UGT1A4: variants seen among roughly 807,000 people sequenced by gnomAD.
The protein encoded by UGT1A4 is UDP-glucuronosyltransferase 1A4.
In UGT1A4, 32 loss-of-function variants were observed where a neutral mutation model predicts 41.1. The observed-to-expected ratio is 0.78, with a 90% confidence interval of 0.59 to 1.05. The LOEUF is 1.05. Ranked by LOEUF, UGT1A4 falls within the 50% of genes least tolerant of loss-of-function variation. The pLI, the probability that UGT1A4 is intolerant of heterozygous loss-of-function variation, is 0.00. For synonymous variants in UGT1A4, 283 were observed against 265.1 expected (o/e 1.07, Z -0.66); for missense variants, 748 against 677.4 (o/e 1.10, Z -1.16).
At chr2:233,757,679 A>C (rs1462473576) in intron 1 of UGT1A4, among the ~76,000 whole-genome samples, 1 of 151,534 alleles carries the variant, frequency 6.6e-6, no homozygotes, top group African/African-American at 2.4e-5. Context: ...CAAGGAATTC[A>C]AGGGATTCAA....
intron 1 of UGT1A4, among the ~76,000 whole-genome samples, chr2:233,765,843 C>G (rs546022798): frequency 2.0e-4 from 31 of 152,086 alleles, no homozygotes; most frequent in African/African-American, 7.2e-4. Context: ...TTTCCTTGTC[C>G]CCCTCACAGA....
In UGT1A4 at chr2:233,772,897, C is replaced by T. The variant is rs1320013324; in HGVS notation, c.*338C>T. 6.1e-6 allele frequency: 3 copies of T among 493,984 alleles called. No homozygotes were observed. Among genetic ancestry groups the T allele is most frequent in the Non-Finnish European group, 9.8e-6 (3 of 304,676 alleles). The allele number at this position is 493,984 out of a possible 1,614,324, so 30.6% of individuals were successfully genotyped here. A position where few individuals can be genotyped will look rare whatever the true frequency, so the allele number is the denominator to read the frequency against. ...AGTGCGGGATTCAAAGGTGGTCCCA[C>T]GGCTGCCCCTACTGCAAATGGCAGT... On this transcript the variant is annotated 3_prime_UTR_variant, in exon 5 of 5. Coordinates refer to ENST00000373409, the MANE Select transcript of UGT1A4 (RefSeq NM_007120.3).
At chr2:233,752,422 T>C (rs1694966934) in intron 1 of UGT1A4, 1 of 152,180 alleles carries the variant, frequency 6.6e-6, no homozygotes, top group Non-Finnish European at 1.5e-5. Context: ...GAAAACCTGA[T>C]TTATCGAACC....
Position 233,719,649 on chromosome 2 carries a change from G to A in UGT1A4, c.829G>A (p.Gly277Arg). The change falls in exon 1 of 5, where the codon GGG (glycine) becomes AGG (arginine). Residue 277 changes from glycine to arginine, a missense_variant. Transcript: ENST00000373409. The part of the protein sequence containing the change: ...RPIMPNMVFI[G>R]GINCANGKPL... ...GATCATGCCCAACATGGTCTTCATTGGGGGCATCAACTGTGCCAACGGGAA... is the reference window on the plus strand; with the variant it reads ...GATCATGCCCAACATGGTCTTCATTAGGGGCATCAACTGTGCCAACGGGAA... 1 of 1,614,068 alleles carries A rather than the reference G, an allele frequency of 6.2e-7. No homozygotes were observed. The highest frequency in any genetic ancestry group is 1.1e-5 in the South Asian group (1 of 91,070).
At chr2:233,752,692 C>T (rs973009345) in intron 1 of UGT1A4, 1 of 152,166 alleles carries the variant, frequency 6.6e-6, no homozygotes, top group African/African-American at 2.4e-5. Flanking sequence ...TTCATGTTTA[C>T]TAGTGGGGTA....
At chr2:233,724,781 A>C (rs1318999915) in intron 1 of UGT1A4, among the ~76,000 whole-genome samples, 2 of 140,898 alleles carry the variant, frequency 1.4e-5, no homozygotes, top group Admixed American at 7.0e-5. Flanking sequence ...GACACTCCTC[A>C]CTTCCCAGAC....
intron 1 of UGT1A4, among the ~76,000 whole-genome samples, chr2:233,739,239 G>C (rs1225583543): frequency 6.6e-6 from 1 of 152,230 alleles, no homozygotes; most frequent in Non-Finnish European, 1.5e-5. Context: ...ACCTCTGCTA[G>C]AGAAGGGTGG....
intron 1 of UGT1A4, chr2:233,743,443 T>A (rs1388678157): frequency 7.3e-7 from 1 of 1,363,152 alleles, no homozygotes; most frequent in Non-Finnish European, 9.8e-7. Context: ...AAATCCTGTA[T>A]CAAAAGAAGA....
At chr2:233,754,193 TA>T (rs1341563622) in intron 1 of UGT1A4, 2 of 162,294 alleles carry the variant, frequency 1.2e-5, no homozygotes, top group African/African-American at 4.8e-5. Context: ...CACCACACAG[TA>T]AAACATTGAA....
At chr2:233,750,201 G>A (rs967986418) in intron 1 of UGT1A4, among the ~76,000 whole-genome samples, 17 of 151,984 alleles carry the variant, frequency 1.1e-4, no homozygotes, top group African/African-American at 3.6e-4. Flanking sequence ...ATGAAGTCCA[G>A]GCTGAGTCTC....
intron 1 of UGT1A4, chr2:233,761,020 C>T (rs1412278754): frequency 9.9e-6 from 16 of 1,614,116 alleles, no homozygotes; most frequent in Non-Finnish European, 1.4e-5. Context: ...GGTGACTGTC[C>T]AGGACCTATT....
At chr2:233,760,155 C>A (rs2125979369) in intron 1 of UGT1A4, 1 of 1,487,916 alleles carries the variant, frequency 6.7e-7, no homozygotes, top group South Asian at 1.3e-5. Flanking sequence ...GAACTCCCTG[C>A]TACCTTTGTG....
At chr2:233,728,766 G>T (rs1264668797) in intron 1 of UGT1A4, among the ~76,000 whole-genome samples, 1 of 152,192 alleles carries the variant, frequency 6.6e-6, no homozygotes, top group East Asian at 1.9e-4. Context: ...TCAGACCTCA[G>T]CTGCTGCCTG....
intron 1 of UGT1A4, chr2:233,747,572 A>G (rs968411318): frequency 5.2e-5 from 82 of 1,588,740 alleles, no homozygotes; most frequent in Non-Finnish European, 6.5e-5. Context: ...TGAAAAATTC[A>G]TCTTTGGTCT....
rs993277218 is a variant in UGT1A4 at position 233,747,483 on chromosome 2, C to T, written c.868-19551C>T. 8 of 1,608,492 alleles carry T rather than the reference C, an allele frequency of 5.0e-6. No individual in the cohort carries two copies. The Admixed American group carries it at 5.0e-5, about 10-fold the overall frequency. Reference sequence around the variant, plus strand: ...TTCATGGACCCAGGATGAATTTGATCGCCTTGTGCTGGGCCACACTCAACT... The same window carrying T: ...TTCATGGACCCAGGATGAATTTGATTGCCTTGTGCTGGGCCACACTCAACT... On this transcript the variant is annotated intron_variant, in intron 1 of 4. Coordinates refer to ENST00000373409, the MANE Select transcript of UGT1A4 (RefSeq NM_007120.3).
Position 233,772,766 on chromosome 2 carries a change from C to G in UGT1A4, c.*207C>G. The stretch of plus-strand genomic sequence containing the variant: ...AGATATTTGAATATGTATCGTGCCC[C>G]CTCTGGTGTCTTTGATCAGGATGAC... On this transcript the variant is annotated 3_prime_UTR_variant, in exon 5 of 5. Transcript: ENST00000373409. 1 of 1,374,588 alleles carries G rather than the reference C, an allele frequency of 7.3e-7. No homozygotes were observed. Among genetic ancestry groups the G allele is most frequent in the Non-Finnish European group, 9.5e-7 (1 of 1,047,350 alleles). 85.1% of individuals were successfully genotyped at this position (1,374,588 alleles called of 1,614,324 possible).
intron 1 of UGT1A4, among the ~76,000 whole-genome samples, chr2:233,745,073 T>G (rs1693008266): frequency 6.6e-6 from 1 of 151,914 alleles, no homozygotes; most frequent in South Asian, 2.1e-4. Context: ...TTTGTATTGT[T>G]TTTTCATTGC....
intron 1 of UGT1A4, among the ~76,000 whole-genome samples, chr2:233,719,925 G>A (rs974352180): frequency 3.9e-5 from 6 of 152,132 alleles, no homozygotes; most frequent in Non-Finnish European, 8.8e-5. Flanking sequence ...TGTGACTCAC[G>A]GACAGTGTTT....
At chr2:233,733,599 G>A (rs2078419468) in intron 1 of UGT1A4, among the ~76,000 whole-genome samples, 1 of 152,146 alleles carries the variant, frequency 6.6e-6, no homozygotes, top group Non-Finnish European at 1.5e-5. Context: ...TTTATGTGAT[G>A]GATTACATTT....
Sources: allele counts gnomAD v4.1 joint callset (sites outside exome capture counted in the v4.1 genomes callset), GRCh38; gene constraint gnomAD v4.1.1; transcripts MANE v1.5; gene names NCBI Gene and HGNC (gene_info 2026-07-23, HGNC 2026-07-21).